The following SLC7A6OS variants were observed in gnomAD, a reference collection of about 807,000 sequenced individuals.
SLC7A6OS encodes probable RNA polymerase II nuclear localization protein SLC7A6OS.
Under a neutral mutation model 34.3 loss-of-function variants are expected in SLC7A6OS, and 22 were observed. The ratio of observed to expected loss-of-function variants is 0.64; its 90% CI spans 0.46 to 0.92. The LOEUF is 0.92. SLC7A6OS is among the 40% of genes least tolerant of loss of function. SLC7A6OS has a pLI of 0.00. For missense variants in SLC7A6OS, 434 were observed against 407.7 expected (o/e 1.06, Z -0.56); for synonymous variants, 199 against 165.0 (o/e 1.21, Z -1.58).
At chr16:68,309,614 A>G (rs2043392646) in intron 2 of SLC7A6OS, among the ~76,000 whole-genome samples, 2 of 152,232 alleles carry the variant, frequency 1.3e-5, no homozygotes, top group African/African-American at 4.8e-5. Context: ...TAGCAAATGT[A>G]ATATAAAGAA....
intron 4 of SLC7A6OS, 176 bp from the exon 5 acceptor site, chr16:68,301,581 T>C: frequency 2.0e-6 from 1 of 507,914 alleles, no homozygotes; most frequent in Non-Finnish European, 3.3e-6. Flanking sequence ...CACTTTCCTA[T>C]CATCTAAACC....
rs1188675493 is a variant in SLC7A6OS at position 68,310,469 on chromosome 16, C to G, written c.337G>C (p.Gly113Arg). The change falls in exon 2 of 5, where the codon GGG (glycine) becomes CGG (arginine). Residue 113 changes from glycine (G) to arginine (R), a missense_variant. Coordinates refer to ENST00000263997, the MANE Select transcript of SLC7A6OS (RefSeq NM_032178.3). ...GACTCCTGGCCGCTCGAGGTGGTCC[C>G]CAAGGATCGGCGGCTGGAAAGCACC... ...YRVLSSRRSL[G>R]TTSSGQESEY... 6.2e-7 allele frequency: 1 copy of G among 1,600,030 alleles called. No homozygotes were observed. The highest frequency in any genetic ancestry group is 2.3e-5 in the East Asian group (1 of 44,264).
At position 68,301,425 on chromosome 16, in the gene SLC7A6OS, G is replaced by A. The variant is rs772756931; in HGVS notation, c.800-20C>T. The stretch of plus-strand genomic sequence containing the variant: ...CAGAGCCTAGAATGACATCCCGGGA[G>A]TGGATTCTAAATGTGATTTTCCTAG... On this transcript the variant is annotated intron_variant, in intron 4 of 4. Coordinates refer to ENST00000263997, the MANE Select transcript of SLC7A6OS (RefSeq NM_032178.3). The A allele has an allele frequency of 6.8e-6, 11 of 1,608,274 alleles. No individual in the cohort carries two copies. In the South Asian group the frequency reaches 1.2e-4, roughly 18 times the overall value.
chr16:68,309,517 A>G (rs943460136), intron 2 of SLC7A6OS, among the ~76,000 whole-genome samples: 3 of 152,266 alleles, frequency 2.0e-5, no homozygotes, highest in Middle Eastern at 3.4e-3. Flanking sequence ...GGCGTCAGCT[A>G]CTGTGCCCAG....
At chr16:68,302,611 GA>G in intron 3 of SLC7A6OS, 110 bp from the exon 4 acceptor site, 1 of 1,305,070 alleles carries the variant, frequency 7.7e-7, no homozygotes, top group Non-Finnish European at 1.1e-6. Flanking sequence ...AGTGCCCTGT[GA>G]AAAAACTGCA....
rs920405991 is a variant in SLC7A6OS, at chr16:68,298,674, A to C, written c.*2601T>G. 2 of 152,284 alleles carry C rather than the reference A, an allele frequency of 1.3e-5. No homozygotes were observed. The highest frequency in any genetic ancestry group is 4.8e-5 in the African/African-American group (2 of 41,444). The allele number at this position is 152,284 out of a possible 1,614,324, so 9.4% of individuals were successfully genotyped here. The stretch of plus-strand genomic sequence containing the variant: ...CTGGGAGGAAAGCTGCTTCAACCTG[A>C]GTCCGGCTCTTCAGCAGGCTGCACA... On this transcript the variant is annotated 3_prime_UTR_variant, in exon 5 of 5. Transcript: ENST00000263997.
intron 3 of SLC7A6OS, 33 bp downstream of exon 3, chr16:68,303,993 C>G: frequency 2.5e-6 from 4 of 1,584,890 alleles, no homozygotes; most frequent in Non-Finnish European, 3.5e-6. Flanking sequence ...GCTTAGGATG[C>G]CTCATGCCCC....
At chr16:68,310,192 T>C (rs1169298742) in intron 2 of SLC7A6OS, 143 bp downstream of exon 2, 4 of 951,214 alleles carry the variant, frequency 4.2e-6, no homozygotes, top group Non-Finnish European at 6.1e-6. Flanking sequence ...ACATGTTGGA[T>C]GAACAACCAA....
Position 68,310,329 on chromosome 16 carries a change from ACTCACTTTGCAGGAGCCTGCAGAGGCGG to A in SLC7A6OS, c.449_471+5del. The A allele has an allele frequency of 6.3e-7, 1 of 1,590,936 alleles. No homozygotes were observed. The highest frequency in any genetic ancestry group is 8.6e-7 in the Non-Finnish European group (1 of 1,164,870). On this transcript the variant is annotated splice_donor_variant and splice_donor_5th_base_variant and coding_sequence_variant and intron_variant, in exon 2 of 5. Coordinates refer to ENST00000263997, the MANE Select transcript of SLC7A6OS (RefSeq NM_032178.3). LOFTEE classifies it high-confidence loss of function. ...GCCCAGCGACCACCTTCAGGGGCAT[ACTCACTTTGCAGGAGCCTGCAGAGGCGG>A]CTTCAGGTTCTCCCTCCTCGTGGAC...
chr16:68,303,695 A>T, intron 3 of SLC7A6OS: 1 of 218,584 alleles, frequency 4.6e-6, no homozygotes. Context: ...TCATGTTAAG[A>T]ATTTCTGATT....
rs201845831 is a variant in SLC7A6OS at position 68,298,247 on chromosome 16, TTC to T, written c.*3026_*3027del. 1,609 of 152,760 alleles carry T rather than the reference TTC, an allele frequency of 0.011. 17 individuals carry two copies. Among genetic ancestry groups the T allele is most frequent in the South Asian group, 0.045 (217 of 4,830 alleles). 9.5% of individuals were successfully genotyped at this position (152,760 alleles called of 1,614,324 possible). On this transcript the variant is annotated 3_prime_UTR_variant, in exon 5 of 5. Coordinates refer to ENST00000263997, the MANE Select transcript of SLC7A6OS (RefSeq NM_032178.3). ...TCTAGCTGACAGTAAATCTCTGGGTTTCTGTTACGAACTCTAAGAGGGCTGAA... is the reference window on the plus strand; with the variant it reads ...TCTAGCTGACAGTAAATCTCTGGGTTTGTTACGAACTCTAAGAGGGCTGAA...
chr16:68,300,413 TC>T lies in SLC7A6OS; in HGVS notation c.*861del, dbSNP rs1368010923. 1 of 157,858 alleles carries T rather than the reference TC, an allele frequency of 6.3e-6. No homozygotes were observed. The allele number at this position is 157,858 out of a possible 1,614,324, so 9.8% of individuals were successfully genotyped here. A position where few individuals can be genotyped will look rare whatever the true frequency, so the allele number is the denominator to read the frequency against. On this transcript the variant is annotated 3_prime_UTR_variant, in exon 5 of 5. Coordinates refer to ENST00000263997, the MANE Select transcript of SLC7A6OS (RefSeq NM_032178.3). ...AGATACAAGTTGTTAATAAAATTGATCCTGTTGATAGTAGTTTGTTTTTGTG... is the reference window on the plus strand; with the variant it reads ...AGATACAAGTTGTTAATAAAATTGATCTGTTGATAGTAGTTTGTTTTTGTG...
At chr16:68,309,749 T>C (rs911134080) in intron 2 of SLC7A6OS, among the ~76,000 whole-genome samples, 1 of 152,178 alleles carries the variant, frequency 6.6e-6, no homozygotes, top group African/African-American at 2.4e-5. Flanking sequence ...TCTATCTCTA[T>C]TTTGCTCCAG....
chr16:68,310,615 T>C lies in SLC7A6OS; in HGVS notation c.193-2A>G. On this transcript the variant is annotated splice_acceptor_variant, in intron 1 of 4. Transcript: ENST00000263997. LOFTEE classifies it high-confidence loss of function. ...CAGGAGAGGCTGGACTGGTTCCTCC[T>C]AGGGGGCAACAGGGGACGGAGGCCA... 6.3e-7 allele frequency: 1 copy of C among 1,595,280 alleles called. No homozygotes were observed. The highest frequency in any genetic ancestry group is 2.3e-5 in the East Asian group (1 of 44,308).
At chr16:68,303,679 T>C (rs1478241753) in intron 3 of SLC7A6OS, 3 of 199,916 alleles carry the variant, frequency 1.5e-5, no homozygotes, top group Admixed American at 1.1e-4. Context: ...TAGATTTTGT[T>C]GTCACTCATG....
Position 68,304,081 on chromosome 16 carries a change from G to C in SLC7A6OS, c.623C>G (p.Pro208Arg). ...YDIYYLETAT[P>R]GWIENILSVQ... ...GGAGAGGATGTTCTCAATCCAGCCT[G>C]GAGTGGCCGTCTCCAAGTAGTAAAT... is the stretch of plus-strand genomic sequence containing the variant. The change falls in exon 3 of 5, where the codon CCA (proline) becomes CGA (arginine). Residue 208 changes from proline (P) to arginine (R), a missense_variant. Physicochemically the swap from Pro to Arg is moderately radical, Grantham distance 103. Transcript: ENST00000263997. 1 of 1,614,086 alleles carries C rather than the reference G, an allele frequency of 6.2e-7. No individual in the cohort carries two copies. Among genetic ancestry groups the C allele is most frequent in the Non-Finnish European group, 8.5e-7 (1 of 1,180,000 alleles).
intron 2 of SLC7A6OS, among the ~76,000 whole-genome samples, chr16:68,305,347 A>G (rs915440772): frequency 6.6e-6 from 1 of 152,230 alleles, no homozygotes; most frequent in Admixed American, 6.5e-5. Flanking sequence ...GGGCTCACCT[A>G]TAGTCTTTCT....
In SLC7A6OS at chr16:68,310,634, G is replaced by A. The variant is rs903085645; in HGVS notation, c.193-21C>T. 8 of 1,586,972 alleles carry A rather than the reference G, an allele frequency of 5.0e-6. No individual in the cohort carries two copies. In the African/African-American group the frequency reaches 9.4e-5, roughly 19 times the overall value. On this transcript the variant is annotated intron_variant, in intron 1 of 4. Transcript: ENST00000263997. The stretch of plus-strand genomic sequence containing the variant: ...TCCTCCTAGGGGGCAACAGGGGACG[G>A]AGGCCAGCGTAAGCAGGAGTTCGCG...
rs1388311848 is a variant in SLC7A6OS, at chr16:68,298,703, G to A, written c.*2572C>T. ...CGGCTCTTCAGCAGGCTGCACAAGTGGAAGCAACTAATTCTGGTGCTCAGG... is the reference window on the plus strand; with the variant it reads ...CGGCTCTTCAGCAGGCTGCACAAGTAGAAGCAACTAATTCTGGTGCTCAGG... On this transcript the variant is annotated 3_prime_UTR_variant, in exon 5 of 5. Coordinates refer to ENST00000263997, the MANE Select transcript of SLC7A6OS (RefSeq NM_032178.3). The A allele has an allele frequency of 6.6e-6, 1 of 152,262 alleles. No individual in the cohort carries two copies. The highest frequency in any genetic ancestry group is 2.4e-5 in the African/African-American group (1 of 41,444). The allele number at this position is 152,262 out of a possible 1,614,324, so 9.4% of individuals were successfully genotyped here.
Sources: gnomAD v4.1 joint callset for allele counts (sites outside exome capture counted in the v4.1 genomes callset) on GRCh38, gnomAD v4.1.1 for gene constraint, MANE v1.5 for transcripts, NCBI Gene and HGNC (gene_info 2026-07-23, HGNC 2026-07-21) for gene names.